The following RILPL2 variants were observed in gnomAD, a reference collection of about 807,000 sequenced individuals.
RILPL2 encodes RILP-like protein 2.
RILPL2 carries 19 observed loss-of-function variants against 22.2 expected under a neutral mutation model. The observed-to-expected ratio is 0.86, with a 90% CI of 0.60 to 1.25. RILPL2 has a LOEUF of 1.25. RILPL2 is among the 50% of genes most tolerant of loss of function. The probability of loss-of-function intolerance (pLI) is 0.00; values close to 1 mark genes in which losing one functional copy is unlikely to be tolerated. For synonymous variants in RILPL2, 123 were observed against 111.6 expected, an observed-to-expected ratio of 1.10 and a Z score of -0.64; for missense variants, 243 against 263.6, an observed-to-expected ratio of 0.92 and a Z score of 0.54.
intron 3 of RILPL2, 89 bp downstream of exon 3, chr12:123,422,955 C>A: frequency 1.1e-6 from 1 of 907,836 alleles, no homozygotes; most frequent in Non-Finnish European, 1.8e-6. Flanking sequence ...CCCTCCCTGC[C>A]CTGGGCAGCT....
chr12:123,413,775 C>T (rs1566088206), downstream of RILPL2: 2 of 152,234 alleles, frequency 1.3e-5, no homozygotes, highest in Admixed American at 1.3e-4. Context: ...GGTGCGTTTA[C>T]AATCCCTGAT....
At chr12:123,428,885 C>T (rs922455656) in intron 2 of RILPL2, among the ~76,000 whole-genome samples, 3 of 152,146 alleles carry the variant, frequency 2.0e-5, no homozygotes, top group African/African-American at 4.8e-5. Context: ...TACTAGCCAA[C>T]ACGACATTTT....
intron 2 of RILPL2, among the ~76,000 whole-genome samples, chr12:123,427,016 T>G (rs918624042): frequency 7.3e-5 from 11 of 150,308 alleles, no homozygotes; most frequent in African/African-American, 2.7e-4. Flanking sequence ...CACTGAAGCC[T>G]CAAATTCCTA....
chr12:123,434,135 T>C (rs1412505231), intron 1 of RILPL2, among the ~76,000 whole-genome samples: 1 of 152,104 alleles, frequency 6.6e-6, no homozygotes, highest in Non-Finnish European at 1.5e-5. Flanking sequence ...TTTTAAAAAC[T>C]AGGCTGGGCA....
intron 2 of RILPL2, among the ~76,000 whole-genome samples, chr12:123,427,999 T>A (rs1402981958): frequency 6.6e-6 from 1 of 152,244 alleles, no homozygotes; most frequent in African/African-American, 2.4e-5. Context: ...CTGAGCCAGA[T>A]GGAAAGTGTG....
At chr12:123,435,975 A>AAAGAGAAAAGAG in intron 1 of RILPL2, 107 bp downstream of exon 1, 4 of 1,417,550 alleles carry the variant, frequency 2.8e-6, no homozygotes, top group Non-Finnish European at 1.9e-6. Context: ...AAAAAAGAAA[A>AAAGAGAAAAGAG]AAGAGAAAAG....
chr12:123,424,874 A>T (rs894922434), intron 2 of RILPL2, among the ~76,000 whole-genome samples: 30 of 151,912 alleles, frequency 2.0e-4, no homozygotes, highest in Admixed American at 1.8e-3. Context: ...TTTTATTTTT[A>T]AAAATTTTCA....
rs1342658184 is a variant in RILPL2 at position 123,433,014 on chromosome 12, CCAGGGAAGCTA to C, written c.340-2366_340-2356del. Among the ~76,000 whole-genome samples, 3 of 151,792 alleles carry C rather than the reference CCAGGGAAGCTA, an allele frequency of 2.0e-5. No individual in the cohort carries two copies. In the South Asian group the frequency reaches 6.2e-4, roughly 32 times the overall value. ...AAGAAGAAGAAGAAGAAGAAAGTTA[CCAGGGAAGCTA>C]CAGGGAAACTTCATACTTCCATGTG... On this transcript the variant is annotated intron_variant, in intron 1 of 3. Coordinates refer to ENST00000280571, the MANE Select transcript of RILPL2 (RefSeq NM_145058.3).
rs146390929 is a variant in RILPL2 at position 123,435,391 on chromosome 12, A to C, written c.339+691T>G. 7.0e-4 allele frequency among the ~76,000 whole-genome samples: 106 copies of C among 152,196 alleles called. No homozygotes were observed. In the East Asian group the frequency reaches 0.018, roughly 26 times the overall value. ...GCAGCTGAGACTAAAGCTGCTCTGA[A>C]TCTTCTTGTCTATGTCTTTTTGTGG... On this transcript the variant is annotated intron_variant, in intron 1 of 3. Transcript: ENST00000280571.
At chr12:123,409,397 C>T in the RILPL2 span, 2 of 152,620 alleles carry the variant, frequency 1.3e-5, no homozygotes, top group African/African-American at 4.8e-5. Flanking sequence ...GACTGTGTCA[C>T]ACCAGCATGT....
In RILPL2 at chr12:123,433,703, C is replaced by T. The variant is rs202078434; in HGVS notation, c.339+2379G>A. ...TTGGGATTACAGGTGTGAGCCACCG[C>T]GCCTGGCCTGGTTTGTATACTTGTA... On this transcript the variant is annotated intron_variant, in intron 1 of 3. Coordinates refer to ENST00000280571, the MANE Select transcript of RILPL2 (RefSeq NM_145058.3). Among the ~76,000 whole-genome samples the T allele has an allele frequency of 5.3e-5, 8 of 152,224 alleles. No homozygotes were observed. In the East Asian group the frequency reaches 9.6e-4, roughly 18 times the overall value.
At chr12:123,410,023 G>A in the RILPL2 span, among the ~76,000 whole-genome samples, 1 of 151,920 alleles carries the variant, frequency 6.6e-6, no homozygotes, top group African/African-American at 2.4e-5. Context: ...ACTGCACCCG[G>A]CCACAGTAGA....
intron 1 of RILPL2, among the ~76,000 whole-genome samples, chr12:123,435,601 T>C (rs949453072): frequency 6.6e-6 from 1 of 150,686 alleles, no homozygotes; most frequent in Non-Finnish European, 1.5e-5. Flanking sequence ...TAGCCAGGCA[T>C]GGTGGCACAT....
chr12:123,418,345 T>C (rs71456795), intron 3 of RILPL2, among the ~76,000 whole-genome samples: 2,815 of 152,288 alleles, frequency 0.018, 44 homozygotes, highest in Middle Eastern at 0.031. Context: ...GTGTTTTTTT[T>C]CCCACTGCTG....
At chr12:123,410,853 C>T (rs1169867193), downstream of RILPL2, 2 of 152,034 alleles carry the variant, frequency 1.3e-5, no homozygotes, top group African/African-American at 2.4e-5. Context: ...TAATAAGTGC[C>T]TCCAAGTTCT....
chr12:123,416,175 T>TG (rs1244915485), intron 3 of RILPL2, among the ~76,000 whole-genome samples: 1 of 139,516 alleles, frequency 7.2e-6, no homozygotes, highest in African/African-American at 2.6e-5. Context: ...AAAAAAAAAA[T>TG]TAACCAGGCG....
chr12:123,413,153 G>A (rs1879018873), downstream of RILPL2: 1 of 154,312 alleles, frequency 6.5e-6, no homozygotes, highest in East Asian at 1.9e-4. Context: ...CCCAGATGGT[G>A]CCACTGCACT....
intron 3 of RILPL2, among the ~76,000 whole-genome samples, chr12:123,418,854 G>A (rs145473038): frequency 0.013 from 1,957 of 144,974 alleles, 19 homozygotes; most frequent in Admixed American, 0.023. Flanking sequence ...TCTGCCTCCC[G>A]GGTTCAAGCA....
chr12:123,422,890 A>G (rs1250081576), intron 3 of RILPL2, among the ~76,000 whole-genome samples, 154 bp downstream of exon 3: 3 of 152,184 alleles, frequency 2.0e-5, no homozygotes, highest in Non-Finnish European at 2.9e-5. Flanking sequence ...TCATTATAAT[A>G]CACTGGCATT....
Sources: allele counts gnomAD v4.1 joint callset (sites outside exome capture counted in the v4.1 genomes callset), GRCh38; gene constraint gnomAD v4.1.1; transcripts MANE v1.5; gene names NCBI Gene and HGNC (gene_info 2026-07-23, HGNC 2026-07-21).